The following ARPP21 variants were observed in gnomAD, a reference collection of about 807,000 sequenced individuals.
ARPP21 encodes cAMP regulated phosphoprotein 21.
ARPP21 carries 69 observed loss-of-function variants against 113.2 expected under a neutral mutation model. The observed-to-expected ratio is 0.61, with a 90% confidence interval of 0.50 to 0.74. The LOEUF (loss-of-function observed/expected upper bound fraction) is 0.74. Among genes scored for constraint, ARPP21 ranks in the 30% least tolerant of loss-of-function variants. The pLI, the probability that ARPP21 is intolerant of heterozygous loss-of-function variation, is 0.00. For synonymous variants in ARPP21, 368 were observed against 375.5 expected, an observed-to-expected ratio of 0.98 and a Z score of 0.23; for missense variants, 1,070 against 1,037.4, an observed-to-expected ratio of 1.03 and a Z score of -0.43.
At chr3:35,727,323 T>G (rs1364245350) in intron 14 of ARPP21, among the ~76,000 whole-genome samples, 1 of 152,240 alleles carries the variant, frequency 6.6e-6, no homozygotes, top group African/African-American at 2.4e-5. Context: ...TGCCATTATC[T>G]AGCTATATCT....
At chr3:35,667,879 A>AGAG (rs1342962373) in intron 1 of ARPP21, among the ~76,000 whole-genome samples, 4 of 131,332 alleles carry the variant, frequency 3.0e-5, no homozygotes, top group South Asian at 2.4e-4. Context: ...AAGAAGAAGA[A>AGAG]GAAGAAGAAG....
chr3:35,738,133 A>G, intron 16 of ARPP21, 81 bp from the exon 17 acceptor site: 2 of 868,686 alleles, frequency 2.3e-6, no homozygotes, highest in Non-Finnish European at 1.8e-6. Flanking sequence ...TAGAGAGCCT[A>G]TGAAGGACAG....
At chr3:35,644,025 A>G (rs1188765989) in intron 1 of ARPP21, among the ~76,000 whole-genome samples, 2 of 152,026 alleles carry the variant, frequency 1.3e-5, no homozygotes, top group African/African-American at 4.8e-5. Flanking sequence ...ATGATTCTAG[A>G]AGCTCTACAT....
chr3:35,696,194 G>A (rs1319867054), intron 9 of ARPP21, among the ~76,000 whole-genome samples: 1 of 151,612 alleles, frequency 6.6e-6, no homozygotes, highest in African/African-American at 2.4e-5. Flanking sequence ...AAATGACCAA[G>A]AGTAGAAAGA....
intron 9 of ARPP21, among the ~76,000 whole-genome samples, chr3:35,694,408 G>A (rs1023610890): frequency 1.3e-4 from 20 of 151,092 alleles, no homozygotes; most frequent in Non-Finnish European, 8.9e-5. Context: ...AATTCATTTC[G>A]CCAAGCACTT....
chr3:35,760,353 C>T (rs1391160623), intron 19 of ARPP21, among the ~76,000 whole-genome samples: 2 of 152,010 alleles, frequency 1.3e-5, no homozygotes, highest in African/African-American at 4.8e-5. Flanking sequence ...TGTCCATTTG[C>T]CTGCTGGTGA....
chr3:35,654,779 A>G (rs1400858242), intron 1 of ARPP21, among the ~76,000 whole-genome samples: 3 of 152,130 alleles, frequency 2.0e-5, no homozygotes, highest in Non-Finnish European at 1.5e-5. Context: ...CGGATGTTTC[A>G]GCCTTACCAT....
intron 11 of ARPP21, among the ~76,000 whole-genome samples, chr3:35,711,497 A>AT (rs1244245695): frequency 3.9e-5 from 6 of 152,332 alleles, no homozygotes; most frequent in South Asian, 2.1e-4. Flanking sequence ...TGTGTTAGCT[A>AT]TTTGTTGCCT....
Position 35,737,160 on chromosome 3 carries a change from G to A in ARPP21, c.1460-18G>A. On this transcript the variant is annotated intron_variant, in intron 15 of 20. Coordinates refer to ENST00000684406, the MANE Select transcript of ARPP21 (RefSeq NM_001385562.1). ...AGATTGAGAAGCTTACCTGGACTAAGTTCTGATTCCATTGCAGGCCAGCCC... is the reference window on the plus strand; with the variant it reads ...AGATTGAGAAGCTTACCTGGACTAAATTCTGATTCCATTGCAGGCCAGCCC... The A allele has an allele frequency of 2.6e-6, 4 of 1,543,842 alleles. No homozygotes were observed. In the South Asian group the frequency reaches 3.4e-5, roughly 13 times the overall value.
At chr3:35,644,027 G>A (rs1412866363) in intron 1 of ARPP21, among the ~76,000 whole-genome samples, 1 of 151,892 alleles carries the variant, frequency 6.6e-6, no homozygotes, top group Non-Finnish European at 1.5e-5. Context: ...GATTCTAGAA[G>A]CTCTACATTT....
At chr3:35,725,683 T>C (rs904073956) in intron 14 of ARPP21, among the ~76,000 whole-genome samples, 14 of 152,226 alleles carry the variant, frequency 9.2e-5, no homozygotes, top group African/African-American at 2.9e-4. Context: ...TTTTGACTTG[T>C]GATCTCTTTT....
chr3:35,648,807 C>G (rs1487011768), intron 1 of ARPP21, among the ~76,000 whole-genome samples: 1 of 152,188 alleles, frequency 6.6e-6, no homozygotes, highest in Non-Finnish European at 1.5e-5. Context: ...TATTATAAAA[C>G]AGATGTCAGC....
chr3:35,643,846 T>C (rs1229323818), intron 1 of ARPP21: 1 of 152,060 alleles, frequency 6.6e-6, no homozygotes, highest in Admixed American at 6.5e-5. Context: ...TCATTCTAAC[T>C]GGTATCACAT....
chr3:35,694,871 G>A (rs1000709943), intron 9 of ARPP21, among the ~76,000 whole-genome samples: 1 of 148,812 alleles, frequency 6.7e-6, no homozygotes, highest in African/African-American at 2.5e-5. Context: ...CACAAGATGT[G>A]ATTTTTTGAA....
chr3:35,659,809 G>A lies in ARPP21; in HGVS notation c.-213+19411G>A, dbSNP rs565776280. ...AAACCTTTAGAGAATAAAGGTGGCT[G>A]GTGTGTTGTTCTGACTGATGGAGGG... is the stretch of plus-strand genomic sequence containing the variant. On this transcript the variant is annotated intron_variant, in intron 1 of 20. Transcript: ENST00000684406. Among the ~76,000 whole-genome samples, 121 of 152,302 alleles carry A rather than the reference G, an allele frequency of 7.9e-4. 1 individual carries two copies. In the South Asian group the frequency reaches 0.011, roughly 13 times the overall value.
At chr3:35,789,020 A>G (rs2096690014) in intron 19 of ARPP21, among the ~76,000 whole-genome samples, 1 of 152,248 alleles carries the variant, frequency 6.6e-6, no homozygotes, top group African/African-American at 2.4e-5. Context: ...TGACTGAAAA[A>G]GAAATAATAA....
Position 35,733,735 on chromosome 3 carries a change from G to T in ARPP21, c.1460-3443G>T, listed in dbSNP as rs144572974. ...TTCTCTAGCATCCATCTTCTTTTATGTTTCTCAGTTCTTTCCATCTCCCCT... is the reference window on the plus strand; with the variant it reads ...TTCTCTAGCATCCATCTTCTTTTATTTTTCTCAGTTCTTTCCATCTCCCCT... On this transcript the variant is annotated intron_variant, in intron 15 of 20. Transcript: ENST00000684406. Among the ~76,000 whole-genome samples, 64 of 152,230 alleles carry T rather than the reference G, an allele frequency of 4.2e-4. 1 individual carries two copies. The East Asian group carries it at 0.011, about 27-fold the overall frequency.
chr3:35,759,460 G>A (rs1007753707), intron 19 of ARPP21, among the ~76,000 whole-genome samples: 3 of 152,018 alleles, frequency 2.0e-5, no homozygotes, highest in African/African-American at 7.2e-5. Context: ...AATGTTTGGT[G>A]TGTTGTAGAC....
chr3:35,732,713 G>C (rs1313736223), intron 15 of ARPP21, among the ~76,000 whole-genome samples: 1 of 152,146 alleles, frequency 6.6e-6, no homozygotes, highest in African/African-American at 2.4e-5. Flanking sequence ...GCCATTATCT[G>C]GTGCAAGTTC....
Sources: allele counts gnomAD v4.1 joint callset (sites outside exome capture counted in the v4.1 genomes callset), GRCh38; gene constraint gnomAD v4.1.1; transcripts MANE v1.5; gene names NCBI Gene and HGNC (gene_info 2026-07-23, HGNC 2026-07-21).